The following AFF3 variants were observed in gnomAD, a reference collection of about 807,000 sequenced individuals.
AFF3 encodes AF4/FMR2 family member 3.
In AFF3, 32 loss-of-function variants were observed where a neutral mutation model predicts 129.7. The ratio of observed to expected loss-of-function variants is 0.25; its 90% confidence interval spans 0.19 to 0.33. AFF3 has a LOEUF of 0.33. AFF3 is among the 10% of genes least tolerant of loss of function. The pLI, the probability that AFF3 is intolerant of heterozygous loss-of-function variation, is 1.00. For missense variants in AFF3, 1,373 were observed against 1,592.0 expected (o/e 0.86, Z 2.34); for synonymous variants, 644 against 635.4 (o/e 1.01, Z -0.20).
rs1030233071 is a variant in AFF3, at chr2:99,904,780, G to A, written c.874-67256C>T. ...AGATAATCCCGAATGAGAATGGCCCGTTCCATAGCCTGTCTCCTTCAAGAT... is the reference window on the plus strand; with the variant it reads ...AGATAATCCCGAATGAGAATGGCCCATTCCATAGCCTGTCTCCTTCAAGAT... On this transcript the variant is annotated intron_variant, in intron 7 of 24. Coordinates refer to ENST00000672756, the MANE Select transcript of AFF3 (RefSeq NM_001386135.1). Among the ~76,000 whole-genome samples, 16 of 152,184 alleles carry A rather than the reference G, an allele frequency of 1.1e-4. No homozygotes were observed. The East Asian group carries it at 1.7e-3, about 17-fold the overall frequency.
intron 7 of AFF3, among the ~76,000 whole-genome samples, chr2:99,873,125 G>A (rs925283665): frequency 3.9e-5 from 6 of 152,152 alleles, no homozygotes; most frequent in African/African-American, 7.2e-5. Flanking sequence ...AGGCAGAAGC[G>A]CCTTGCACAT....
rs574701980 is a variant in AFF3, at chr2:100,003,045, G to A, written c.873+3587C>T. Among the ~76,000 whole-genome samples the A allele has an allele frequency of 4.0e-5, 5 of 125,758 alleles. No individual in the cohort carries two copies. The South Asian group carries it at 1.3e-3, about 33-fold the overall frequency. The allele number at this position is 125,758 out of a possible 152,430, so 82.5% of individuals were successfully genotyped here. On this transcript the variant is annotated intron_variant, in intron 7 of 24. Coordinates refer to ENST00000672756, the MANE Select transcript of AFF3 (RefSeq NM_001386135.1). ...TATATTATTCCATGAGCCAAAGACA[G>A]ATACACTATGAAGTTAATGATGCTT...
At chr2:99,964,765 T>C (rs73964383) in intron 7 of AFF3, among the ~76,000 whole-genome samples, 3,195 of 152,320 alleles carry the variant, frequency 0.021, 58 homozygotes, top group Middle Eastern at 0.051. Flanking sequence ...GATTTATTCC[T>C]AGGACACAAG....
chr2:100,020,227 C>T (rs903793108), intron 4 of AFF3, among the ~76,000 whole-genome samples: 3 of 152,002 alleles, frequency 2.0e-5, no homozygotes, highest in Non-Finnish European at 4.4e-5. Flanking sequence ...CTTCAGAGGT[C>T]TCCTTCCCTG....
At chr2:99,947,653 T>TAGATAGATAGAC (rs1432410613) in intron 7 of AFF3, among the ~76,000 whole-genome samples, 55 of 123,276 alleles carry the variant, frequency 4.5e-4, no homozygotes, top group Middle Eastern at 4.4e-3. Context: ...GATAGATAGA[T>TAGATAGATAGAC]AGACAGACAG....
intron 17 of AFF3, chr2:99,580,758 C>T (rs190123694): frequency 9.9e-4 from 161 of 161,816 alleles, no homozygotes; most frequent in Non-Finnish European, 1.7e-3. Flanking sequence ...TAGCCCTGGG[C>T]GTGGTGGCCG....
At chr2:99,614,596 G>T (rs1004952331) in intron 13 of AFF3, among the ~76,000 whole-genome samples, 1 of 152,224 alleles carries the variant, frequency 6.6e-6, no homozygotes, top group East Asian at 1.9e-4. Flanking sequence ...TTAACCAGGT[G>T]CTGGATCCCG....
chr2:99,775,814 A>G (rs1021485333), intron 8 of AFF3, among the ~76,000 whole-genome samples: 1 of 152,236 alleles, frequency 6.6e-6, no homozygotes, highest in African/African-American at 2.4e-5. Context: ...TTAGATTCTC[A>G]AGATGACTAT....
intron 18 of AFF3, among the ~76,000 whole-genome samples, chr2:99,571,934 G>A (rs958570660): frequency 1.3e-5 from 2 of 152,040 alleles, no homozygotes; most frequent in South Asian, 4.1e-4. Context: ...TACAGCAAAG[G>A]TACTAAAATG....
At chr2:99,795,404 C>T (rs1685490758) in intron 8 of AFF3, among the ~76,000 whole-genome samples, 1 of 151,824 alleles carries the variant, frequency 6.6e-6, no homozygotes, top group African/African-American at 2.4e-5. Context: ...GGCTGGGGGG[C>T]AGGTGGGAGG....
intron 8 of AFF3, among the ~76,000 whole-genome samples, chr2:99,803,057 C>A (rs568090920): frequency 1.4e-4 from 21 of 152,200 alleles, no homozygotes; most frequent in African/African-American, 5.1e-4. Context: ...GGAATGCTTT[C>A]AACTTTTCCC....
chr2:99,988,462 AG>A (rs1680062862), intron 7 of AFF3, among the ~76,000 whole-genome samples: 1 of 152,314 alleles, frequency 6.6e-6, no homozygotes, highest in Non-Finnish European at 1.5e-5. Context: ...GGTGATGTAA[AG>A]GGTCCTGTAT....
intron 12 of AFF3, among the ~76,000 whole-genome samples, chr2:99,669,778 T>G (rs1349919272): frequency 6.6e-6 from 1 of 152,170 alleles, no homozygotes; most frequent in Admixed American, 6.5e-5. Flanking sequence ...GAGACCACTC[T>G]GGCCAACATG....
intron 8 of AFF3, among the ~76,000 whole-genome samples, chr2:99,760,647 T>C (rs747522040): frequency 2.6e-5 from 4 of 152,126 alleles, no homozygotes; most frequent in Non-Finnish European, 5.9e-5. Flanking sequence ...CAACCACCCT[T>C]TCATTGCTGC....
intron 4 of AFF3, among the ~76,000 whole-genome samples, chr2:100,020,455 T>C (rs941297362): frequency 4.6e-5 from 7 of 152,106 alleles, no homozygotes; most frequent in Admixed American, 3.9e-4. Context: ...CAAATCTCTC[T>C]TCTCAGCTAC....
chr2:99,855,721 G>A (rs567867419), intron 7 of AFF3, among the ~76,000 whole-genome samples: 6 of 152,278 alleles, frequency 3.9e-5, no homozygotes, highest in African/African-American at 1.4e-4. Flanking sequence ...AGAAGGTGGA[G>A]CGTAACTCCC....
intron 7 of AFF3, among the ~76,000 whole-genome samples, chr2:99,875,791 G>C (rs147217207): frequency 1.3e-5 from 2 of 152,282 alleles, no homozygotes; most frequent in African/African-American, 4.8e-5. Flanking sequence ...ATGCAGCCTG[G>C]CTCAATATGG....
At chr2:99,852,919 A>G (rs917910064) in intron 7 of AFF3, among the ~76,000 whole-genome samples, 1 of 152,350 alleles carries the variant, frequency 6.6e-6, no homozygotes, top group East Asian at 1.9e-4. Context: ...TGCAATCTCA[A>G]TTTCTACCAT....
At chr2:99,955,129 C>A (rs1040729297) in intron 7 of AFF3, among the ~76,000 whole-genome samples, 1 of 151,882 alleles carries the variant, frequency 6.6e-6, no homozygotes, top group Non-Finnish European at 1.5e-5. Context: ...GTATAACATA[C>A]AAAACACTGT....
Sources: allele counts gnomAD v4.1 joint callset (sites outside exome capture counted in the v4.1 genomes callset), GRCh38; gene constraint gnomAD v4.1.1; transcripts MANE v1.5; gene names NCBI Gene and HGNC (gene_info 2026-07-23, HGNC 2026-07-21).